The following CDH12 variants were observed in gnomAD, a reference collection of about 807,000 sequenced individuals.
CDH12 encodes the protein cadherin 12, also known as cadherin-12.
A neutral mutation model predicts 74.1 loss-of-function variants in CDH12; 41 were observed. That is an observed-to-expected ratio of 0.55 (90% CI 0.43 to 0.72). CDH12 has a LOEUF of 0.72. Among genes scored for constraint, CDH12 ranks in the 30% least tolerant of loss-of-function variants. CDH12 has a pLI of 0.00. For missense variants in CDH12, 945 were observed against 977.2 expected (o/e 0.97, Z 0.44); for synonymous variants, 399 against 355.0 (o/e 1.12, Z -1.39).
In CDH12 at chr5:21,941,309, C is replaced by A. The variant is rs536103215; in HGVS notation, c.526+33782G>T. Among the ~76,000 whole-genome samples, 13 of 152,178 alleles carry A rather than the reference C, an allele frequency of 8.5e-5. No homozygotes were observed. In the South Asian group the frequency reaches 2.7e-3, roughly 32 times the overall value. On this transcript the variant is annotated intron_variant, in intron 6 of 14. Coordinates refer to ENST00000382254, the MANE Select transcript of CDH12 (RefSeq NM_004061.5). ...TCAAAAACAAATTAACCTTGCCTGA[C>A]CATTTTTAGGACAACATAATGGTTT...
chr5:21,835,487 G>A (rs967199364), intron 8 of CDH12, among the ~76,000 whole-genome samples: 6 of 151,656 alleles, frequency 4.0e-5, no homozygotes, highest in African/African-American at 1.5e-4. Flanking sequence ...CTGACAAAGT[G>A]TAAAGGTGTG....
At chr5:22,221,710 T>C (rs956165902) in intron 3 of CDH12, among the ~76,000 whole-genome samples, 4 of 151,922 alleles carry the variant, frequency 2.6e-5, no homozygotes, top group African/African-American at 9.7e-5. Context: ...ATCCCCCATG[T>C]CCTATTGATA....
intron 1 of CDH12, among the ~76,000 whole-genome samples, chr5:22,719,851 G>T (rs755385812): frequency 6.6e-5 from 10 of 152,028 alleles, no homozygotes; most frequent in Non-Finnish European, 1.5e-4. Context: ...CATGTTACTT[G>T]GTCTCTCTGT....
intron 8 of CDH12, among the ~76,000 whole-genome samples, chr5:21,832,819 G>T (rs1401690272): frequency 7.3e-5 from 8 of 109,572 alleles, no homozygotes; most frequent in Admixed American, 1.3e-4. Flanking sequence ...TATAATATAT[G>T]ATATATATTA....
chr5:22,240,492 C>A (rs1291281065), intron 3 of CDH12, among the ~76,000 whole-genome samples: 1 of 152,140 alleles, frequency 6.6e-6, no homozygotes, highest in African/African-American at 2.4e-5. Flanking sequence ...AAATTTGAAT[C>A]ATTTTTGGGA....
At chr5:22,577,219 A>C (rs1003631633) in intron 1 of CDH12, among the ~76,000 whole-genome samples, 2 of 152,330 alleles carry the variant, frequency 1.3e-5, no homozygotes, top group African/African-American at 4.8e-5. Context: ...CTATAAAAAA[A>C]CGGGTTAAGC....
intron 1 of CDH12, among the ~76,000 whole-genome samples, chr5:22,732,554 A>G (rs899500127): frequency 1.3e-5 from 2 of 151,634 alleles, no homozygotes; most frequent in African/African-American, 4.8e-5. Flanking sequence ...CTGAAAATAG[A>G]GTTAGTTGCT....
chr5:22,797,629 G>A (rs1197041766), intron 1 of CDH12, among the ~76,000 whole-genome samples: 1 of 151,976 alleles, frequency 6.6e-6, no homozygotes, highest in African/African-American at 2.4e-5. Context: ...AAAGAAGTTG[G>A]GAATAACCAT....
intron 6 of CDH12, among the ~76,000 whole-genome samples, chr5:21,907,547 C>T (rs1468049906): frequency 6.6e-6 from 1 of 152,144 alleles, no homozygotes; most frequent in Non-Finnish European, 1.5e-5. Context: ...TTGCCACAAC[C>T]AATTTGAAGT....
At chr5:21,848,232 A>T (rs1356988610) in intron 7 of CDH12, among the ~76,000 whole-genome samples, 3 of 152,040 alleles carry the variant, frequency 2.0e-5, no homozygotes, top group Non-Finnish European at 4.4e-5. Context: ...CCTGAAAGAG[A>T]TCTCTCCTAG....
chr5:22,327,888 C>T (rs967549627), intron 3 of CDH12, among the ~76,000 whole-genome samples: 1 of 152,066 alleles, frequency 6.6e-6, no homozygotes, highest in African/African-American at 2.4e-5. Flanking sequence ...TAAATAGATT[C>T]CAAAAATATG....
intron 3 of CDH12, among the ~76,000 whole-genome samples, chr5:22,372,733 C>T (rs1221425949): frequency 6.6e-6 from 1 of 152,158 alleles, no homozygotes; most frequent in African/African-American, 2.4e-5. Context: ...CCCACTAAGA[C>T]ATGCCCCGTC....
intron 2 of CDH12, among the ~76,000 whole-genome samples, chr5:22,434,156 T>C (rs1744281554): frequency 6.6e-6 from 1 of 151,980 alleles, no homozygotes; most frequent in South Asian, 2.1e-4. Context: ...ATTCAAAATA[T>C]ACAAACTCTA....
At chr5:22,365,089 T>G (rs186262076) in intron 3 of CDH12, among the ~76,000 whole-genome samples, 3 of 152,352 alleles carry the variant, frequency 2.0e-5, no homozygotes, top group Non-Finnish European at 2.9e-5. Context: ...TTTCCTTTTA[T>G]ATCACACTGA....
intron 1 of CDH12, among the ~76,000 whole-genome samples, chr5:22,587,107 A>G (rs1251406074): frequency 6.6e-6 from 1 of 152,046 alleles, no homozygotes; most frequent in East Asian, 1.9e-4. Flanking sequence ...AAGTGCTGGG[A>G]TTACAGTCGT....
chr5:22,701,341 C>T (rs1161745402), intron 1 of CDH12, among the ~76,000 whole-genome samples: 1 of 151,980 alleles, frequency 6.6e-6, no homozygotes, highest in East Asian at 1.9e-4. Context: ...TAATGTTCTC[C>T]AACTCCACAG....
chr5:22,352,962 G>A (rs1561336963), intron 3 of CDH12, among the ~76,000 whole-genome samples: 1 of 152,092 alleles, frequency 6.6e-6, no homozygotes, highest in Non-Finnish European at 1.5e-5. Context: ...TACAAAGCAC[G>A]GAATTCATGT....
intron 3 of CDH12, among the ~76,000 whole-genome samples, chr5:22,310,724 T>C (rs1738353463): frequency 6.6e-6 from 1 of 152,184 alleles, no homozygotes; most frequent in Admixed American, 6.5e-5. Context: ...GTGTTACTTA[T>C]GGCATCAATA....
intron 5 of CDH12, among the ~76,000 whole-genome samples, chr5:22,077,420 T>C (rs1742403519): frequency 1.3e-5 from 2 of 152,116 alleles, no homozygotes; most frequent in South Asian, 2.1e-4. Flanking sequence ...TTAGTTTATG[T>C]TTTCAGAAAG....
Sources: gnomAD v4.1 joint callset for allele counts (sites outside exome capture counted in the v4.1 genomes callset) on GRCh38, gnomAD v4.1.1 for gene constraint, MANE v1.5 for transcripts, NCBI Gene and HGNC (gene_info 2026-07-23, HGNC 2026-07-21) for gene names.